Variants in FAM117B observed in about 807,000 individuals in gnomAD.
FAM117B encodes protein FAM117B.
FAM117B carries 22 observed loss-of-function variants against 52.8 expected under a neutral mutation model. That is an observed-to-expected ratio of 0.42 (90% confidence interval 0.30 to 0.59). FAM117B has a LOEUF of 0.59. FAM117B is among the 20% of genes least tolerant of loss of function. The pLI, the probability that FAM117B is intolerant of heterozygous loss-of-function variation, is 0.22. For missense variants in FAM117B, 678 were observed against 802.6 expected, an observed-to-expected ratio of 0.84 and a Z score of 1.88; for synonymous variants, 309 against 324.1, an observed-to-expected ratio of 0.95 and a Z score of 0.50.
chr2:202,672,921 A>T (rs72928905), intron 1 of FAM117B, among the ~76,000 whole-genome samples: 7,759 of 152,172 alleles, frequency 0.051, 241 homozygotes, highest in Middle Eastern at 0.085. Context: ...GGTGGCATGC[A>T]CCTGTAGTTC....
intron 1 of FAM117B, among the ~76,000 whole-genome samples, chr2:202,656,996 C>T (rs1690065127): frequency 6.6e-6 from 1 of 152,170 alleles, no homozygotes. Context: ...TCTATTTTTA[C>T]TATCCTTTCT....
At chr2:202,716,246 C>G (rs1221385444) in intron 2 of FAM117B, among the ~76,000 whole-genome samples, 3 of 151,932 alleles carry the variant, frequency 2.0e-5, no homozygotes, top group Admixed American at 6.6e-5. Context: ...TTTTTCCATC[C>G]CTTTTTTTTT....
At chr2:202,674,425 TTAGTATAAC>T (rs1374330892) in intron 1 of FAM117B, among the ~76,000 whole-genome samples, 1 of 152,258 alleles carries the variant, frequency 6.6e-6, no homozygotes, top group Non-Finnish European at 1.5e-5. Context: ...GTAATAATAC[TTAGTATAAC>T]TGATGAAGTT....
intron 1 of FAM117B, among the ~76,000 whole-genome samples, chr2:202,678,746 C>T (rs575136501): frequency 2.6e-4 from 39 of 152,192 alleles, no homozygotes; most frequent in African/African-American, 6.7e-4. Flanking sequence ...TTAGTAGAGA[C>T]GGGGTTTCTC....
chr2:202,702,012 A>C (rs1690802041), intron 2 of FAM117B, among the ~76,000 whole-genome samples: 1 of 152,188 alleles, frequency 6.6e-6, no homozygotes, highest in Admixed American at 6.5e-5. Flanking sequence ...GCAATATGCT[A>C]CCCACGCAGC....
At chr2:202,757,536 G>T in intron 6 of FAM117B, 98 bp downstream of exon 6, 1 of 1,259,272 alleles carries the variant, frequency 7.9e-7, no homozygotes, top group African/African-American at 1.5e-5. Context: ...CACACTCGAG[G>T]CTACTCAGTT....
intron 1 of FAM117B, among the ~76,000 whole-genome samples, chr2:202,690,248 T>A (rs1448435139): frequency 6.6e-6 from 1 of 152,216 alleles, no homozygotes; most frequent in African/African-American, 2.4e-5. Flanking sequence ...TTACTTTGAA[T>A]TAACCAAAAA....
chr2:202,645,677 C>T (rs539859256), intron 1 of FAM117B, among the ~76,000 whole-genome samples: 1 of 151,492 alleles, frequency 6.6e-6, no homozygotes, highest in Admixed American at 6.6e-5. Context: ...GATCTCGGCT[C>T]ACTGCAACCT....
At chr2:202,752,861 T>G (rs1691747096) in intron 4 of FAM117B, among the ~76,000 whole-genome samples, 1 of 152,232 alleles carries the variant, frequency 6.6e-6, no homozygotes, top group South Asian at 2.1e-4. Flanking sequence ...TAAAAACATT[T>G]TTAATTTAAA....
chr2:202,715,519 C>T (rs1317015077), intron 2 of FAM117B, among the ~76,000 whole-genome samples: 10 of 145,710 alleles, frequency 6.9e-5, no homozygotes, highest in South Asian at 2.2e-4. Context: ...ACATCTCAGA[C>T]GATGGGCGGC....
chr2:202,765,347 GT>G, intron 7 of FAM117B, 98 bp from the exon 8 acceptor site: 2 of 1,203,366 alleles, frequency 1.7e-6, no homozygotes, highest in Non-Finnish European at 2.3e-6. Context: ...TAAGTTAACT[GT>G]TTTTAAAAAA....
chr2:202,749,388 G>T (rs934061602), intron 4 of FAM117B, among the ~76,000 whole-genome samples: 1 of 149,106 alleles, frequency 6.7e-6, no homozygotes, highest in African/African-American at 2.5e-5. Flanking sequence ...CTATAAAAAT[G>T]ATTTGGTTAA....
At chr2:202,704,756 T>A (rs1213732255) in intron 2 of FAM117B, among the ~76,000 whole-genome samples, 1 of 151,622 alleles carries the variant, frequency 6.6e-6, no homozygotes, top group Non-Finnish European at 1.5e-5. Flanking sequence ...CATGCCCGGC[T>A]AATATATATA....
rs181164734 is a variant in FAM117B at position 202,756,652 on chromosome 2, T to C, written c.1105-561T>C. 3.9e-5 allele frequency among the ~76,000 whole-genome samples: 6 copies of C among 152,202 alleles called. No individual in the cohort carries two copies. In the East Asian group the frequency reaches 1.2e-3, roughly 30 times the overall value. On this transcript the variant is annotated intron_variant, in intron 5 of 7. Coordinates refer to ENST00000392238, the MANE Select transcript of FAM117B (RefSeq NM_173511.4). Reference sequence around the variant, plus strand: ...TTGATGGGGTACAGATTCCCTGATGTAATAAAGGTAAATGAATCAAAGACG... The same window carrying C: ...TTGATGGGGTACAGATTCCCTGATGCAATAAAGGTAAATGAATCAAAGACG...
At chr2:202,636,123 C>T (rs1194307344) in intron 1 of FAM117B, among the ~76,000 whole-genome samples, 1 of 152,234 alleles carries the variant, frequency 6.6e-6, no homozygotes, top group Non-Finnish European at 1.5e-5. Context: ...GGAGTCGTTA[C>T]TGCTTACCCT....
At chr2:202,657,818 T>C (rs182424570) in intron 1 of FAM117B, among the ~76,000 whole-genome samples, 6 of 152,322 alleles carry the variant, frequency 3.9e-5, no homozygotes, top group Non-Finnish European at 8.8e-5. Flanking sequence ...TCCCTTTTCC[T>C]ACCTTTCAGA....
At chr2:202,654,062 TGAGAGAGAGAGAGAGAGA>T (rs60490884) in intron 1 of FAM117B, among the ~76,000 whole-genome samples, 5 of 134,862 alleles carry the variant, frequency 3.7e-5, no homozygotes, top group East Asian at 4.4e-4. Flanking sequence ...AGAGAGTGAG[TGAGAGAGAGAGAGAGAGA>T]GAGAGAGAGA....
At position 202,725,114 on chromosome 2, in the gene FAM117B, C is replaced by A. The variant is rs1279200161; in HGVS notation, c.846+105C>A. 7 of 762,918 alleles carry A rather than the reference C, an allele frequency of 9.2e-6. 1 individual carries two copies. The South Asian group carries it at 1.6e-4, about 17-fold the overall frequency. 47.3% of individuals were successfully genotyped at this position (762,918 alleles called of 1,614,324 possible). ...AGGATTTGTCGTTTTCCATTGATTT[C>A]TTTTTTCTTTTTGGCTTCTGAAATA... is the stretch of plus-strand genomic sequence containing the variant. On this transcript the variant is annotated intron_variant, in intron 3 of 7. Coordinates refer to ENST00000392238, the MANE Select transcript of FAM117B (RefSeq NM_173511.4).
intron 4 of FAM117B, among the ~76,000 whole-genome samples, chr2:202,747,217 A>G (rs1467166742): frequency 1.3e-5 from 2 of 152,210 alleles, no homozygotes; most frequent in East Asian, 3.8e-4. Flanking sequence ...CCATGTGATA[A>G]AATTCAGCAC....
Sources: allele counts gnomAD v4.1 joint callset (sites outside exome capture counted in the v4.1 genomes callset), GRCh38; gene constraint gnomAD v4.1.1; transcripts MANE v1.5; gene names NCBI Gene and HGNC (gene_info 2026-07-23, HGNC 2026-07-21).